Variants in UGGT2 observed in about 807,000 individuals in gnomAD.
UGGT2 encodes the protein UDP-glucose:glycoprotein glucosyltransferase 2.
Under a neutral mutation model 192.1 loss-of-function variants are expected in UGGT2, and 180 were observed. That is an observed-to-expected ratio of 0.94 (90% CI 0.83 to 1.06). The LOEUF is 1.06. Among genes scored for constraint, UGGT2 ranks in the 50% least tolerant of loss-of-function variants. The pLI is 0.00. For missense variants in UGGT2, 1,849 were observed against 1,795.7 expected (o/e 1.03, Z -0.54); for synonymous variants, 580 against 591.0 (o/e 0.98, Z 0.27).
At chr13:95,894,152 G>A (rs948899479) in intron 24 of UGGT2, among the ~76,000 whole-genome samples, 5 of 152,002 alleles carry the variant, frequency 3.3e-5, no homozygotes, top group African/African-American at 4.8e-5. Flanking sequence ...TTGAACTCTC[G>A]CGCATGCATG....
intron 38 of UGGT2, among the ~76,000 whole-genome samples, chr13:95,803,988 G>A (rs551188978): frequency 3.0e-4 from 45 of 152,080 alleles, no homozygotes; most frequent in African/African-American, 6.5e-4. Flanking sequence ...AAAAATCCAC[G>A]AAACCATAAA....
intron 2 of UGGT2, among the ~76,000 whole-genome samples, chr13:96,028,382 C>A (rs1194166745): frequency 6.6e-6 from 1 of 152,150 alleles, no homozygotes; most frequent in Non-Finnish European, 1.5e-5. Context: ...GTAAAAACCA[C>A]TAAAATCTTC....
At chr13:96,013,570 A>C (rs1463348789) in intron 4 of UGGT2, 89 bp from the exon 5 acceptor site, 24 of 797,354 alleles carry the variant, frequency 3.0e-5, no homozygotes, top group Non-Finnish European at 4.2e-5. Flanking sequence ...CAAACAATTC[A>C]TAATATACAT....
At chr13:95,916,169 C>A (rs748079217) in intron 20 of UGGT2, among the ~76,000 whole-genome samples, 2 of 152,128 alleles carry the variant, frequency 1.3e-5, no homozygotes, top group South Asian at 2.1e-4. Context: ...TAGGTCTGTA[C>A]CCCCCTAGGA....
chr13:95,955,292 AT>A (rs946592565), intron 12 of UGGT2, among the ~76,000 whole-genome samples: 1 of 152,160 alleles, frequency 6.6e-6, no homozygotes, highest in South Asian at 2.1e-4. Flanking sequence ...GCTGCAAATC[AT>A]TTTTTTACAA....
intron 38 of UGGT2, among the ~76,000 whole-genome samples, chr13:95,816,271 G>A (rs1265860848): frequency 6.6e-6 from 1 of 152,116 alleles, no homozygotes; most frequent in Admixed American, 6.5e-5. Flanking sequence ...AATTAAGAGA[G>A]TGATATCAAA....
chr13:96,048,590 G>C (rs185029897), intron 1 of UGGT2, among the ~76,000 whole-genome samples: 3 of 152,044 alleles, frequency 2.0e-5, no homozygotes, highest in African/African-American at 7.2e-5. Context: ...TAGACCGCTA[G>C]CAAGACTAAT....
At chr13:95,898,538 A>G (rs1226298883) in intron 22 of UGGT2, among the ~76,000 whole-genome samples, 1 of 152,078 alleles carries the variant, frequency 6.6e-6, no homozygotes, top group African/African-American at 2.4e-5. Context: ...CTTTGCCCAT[A>G]TGACACTGCT....
At chr13:95,874,307 C>T (rs1288994414) in intron 29 of UGGT2, among the ~76,000 whole-genome samples, 3 of 152,080 alleles carry the variant, frequency 2.0e-5, no homozygotes, top group South Asian at 2.1e-4. Context: ...TATGTTTTTC[C>T]TATACATACA....
chr13:95,825,279 G>A (rs1006225028), intron 38 of UGGT2, among the ~76,000 whole-genome samples: 18 of 152,150 alleles, frequency 1.2e-4, no homozygotes, highest in Non-Finnish European at 2.4e-4. Context: ...GGAACCTGTT[G>A]TAGCTAAAGC....
intron 1 of UGGT2, among the ~76,000 whole-genome samples, chr13:96,042,430 A>G (rs190086213): frequency 1.1e-4 from 16 of 152,288 alleles, no homozygotes; most frequent in Middle Eastern, 3.4e-3. Context: ...CCAGAAAACC[A>G]ACTCTAGTAC....
rs143679147 is a variant in UGGT2, at chr13:96,017,846, A to G, written c.486-4365T>C. The stretch of plus-strand genomic sequence containing the variant: ...TTTAACTTTAAACATACAGCTTTCC[A>G]TTTGGGACAAAAGTTTAAAGCCACA... On this transcript the variant is annotated intron_variant, in intron 4 of 38. Coordinates refer to ENST00000376747, the MANE Select transcript of UGGT2 (RefSeq NM_020121.4). Among the ~76,000 whole-genome samples, 685 of 152,248 alleles carry G rather than the reference A, an allele frequency of 4.5e-3. 6 individuals are homozygous for G. The highest frequency in any genetic ancestry group is 7.1e-3 in the Non-Finnish European group (480 of 68,008).
chr13:96,030,902 A>C (rs530461586), intron 2 of UGGT2, among the ~76,000 whole-genome samples: 2 of 152,248 alleles, frequency 1.3e-5, no homozygotes, highest in African/African-American at 4.8e-5. Context: ...TAGTTACCTG[A>C]CTTTTTGAGG....
chr13:95,937,029 A>G lies in UGGT2; in HGVS notation c.1872T>C (p.Asn624=), dbSNP rs1306029723. 6.2e-7 allele frequency: 1 copy of G among 1,605,262 alleles called. No homozygotes were observed. The highest frequency in any genetic ancestry group is 8.5e-7 in the Non-Finnish European group (1 of 1,178,228). Residue 624 remains asparagine, a synonymous_variant, in exon 17 of 39, where the codon AAT becomes AAC. Coordinates refer to ENST00000376747, the MANE Select transcript of UGGT2 (RefSeq NM_020121.4). ...GLGPLPQALY[N]GEPFKHEEMN... is the part of the protein sequence containing the mutation. Reference sequence around the variant, plus strand: ...TCTCTTCATGTTTAAAGGGTTCACCATTATAAAGAGCTTGAGGCAAAGGAC... The same window carrying G: ...TCTCTTCATGTTTAAAGGGTTCACCGTTATAAAGAGCTTGAGGCAAAGGAC...
At chr13:95,827,126 T>C (rs895997796) in intron 38 of UGGT2, among the ~76,000 whole-genome samples, 2 of 152,114 alleles carry the variant, frequency 1.3e-5, no homozygotes, top group African/African-American at 2.4e-5. Flanking sequence ...AACAATCCTC[T>C]AGAAAAAAAC....
intron 7 of UGGT2, among the ~76,000 whole-genome samples, chr13:95,992,386 CT>C (rs924665100): frequency 6.6e-6 from 1 of 152,076 alleles, no homozygotes; most frequent in Non-Finnish European, 1.5e-5. Flanking sequence ...TTTTGTAGTT[CT>C]TGTGGAGATG....
chr13:95,804,003 GAAC>G (rs956388402), intron 38 of UGGT2, among the ~76,000 whole-genome samples: 8 of 151,686 alleles, frequency 5.3e-5, no homozygotes, highest in African/African-American at 1.9e-4. Flanking sequence ...CATAAAACAA[GAAC>G]AAAATGAAAT....
chr13:95,958,104 A>C (rs950212951), intron 12 of UGGT2, among the ~76,000 whole-genome samples: 2 of 152,154 alleles, frequency 1.3e-5, no homozygotes, highest in African/African-American at 4.8e-5. Flanking sequence ...TGTTCAGGGA[A>C]TATGGCGTTT....
chr13:95,852,615 T>C (rs1453257907), intron 36 of UGGT2, among the ~76,000 whole-genome samples: 2 of 152,208 alleles, frequency 1.3e-5, no homozygotes, highest in Non-Finnish European at 2.9e-5. Context: ...TAGCAGGTAT[T>C]CAACAGATGA....
Sources: allele counts gnomAD v4.1 joint callset (sites outside exome capture counted in the v4.1 genomes callset), GRCh38; gene constraint gnomAD v4.1.1; transcripts MANE v1.5; gene names NCBI Gene and HGNC (gene_info 2026-07-23, HGNC 2026-07-21).